Variants in ST8SIA1 observed in about 807,000 individuals in gnomAD.
The protein encoded by ST8SIA1 is ST8 alpha-N-acetyl-neuraminide alpha-2,8-sialyltransferase 1, also known as alpha-N-acetylneuraminide alpha-2,8-sialyltransferase.
In ST8SIA1, 16 loss-of-function variants were observed where a neutral mutation model predicts 35.9. That is an observed-to-expected ratio of 0.45 (90% confidence interval 0.30 to 0.68). The LOEUF (loss-of-function observed/expected upper bound fraction) is 0.68. Among genes scored for constraint, ST8SIA1 ranks in the 30% least tolerant of loss-of-function variants. The pLI, the probability that ST8SIA1 is intolerant of heterozygous loss-of-function variation, is 0.09. For synonymous variants in ST8SIA1, 170 were observed against 169.6 expected (o/e 1.00, Z -0.02); for missense variants, 383 against 453.6 (o/e 0.84, Z 1.41).
At position 22,301,383 on chromosome 12, in the gene ST8SIA1, T is replaced by A. The variant is rs149956248; in HGVS notation, c.237-14090A>T. ...TGGAGTAATATTTTTGACTTTTTGC[T>A]TAAAATGTTGCTGATCCTTTGTTTT... On this transcript the variant is annotated intron_variant, in intron 1 of 4. Transcript: ENST00000396037. Among the ~76,000 whole-genome samples the A allele has an allele frequency of 1.3e-4, 19 of 151,976 alleles. No homozygotes were observed. In the East Asian group the frequency reaches 3.3e-3, roughly 26 times the overall value.
chr12:22,258,528 A>G (rs1267039359), intron 2 of ST8SIA1, among the ~76,000 whole-genome samples: 1 of 152,162 alleles, frequency 6.6e-6, no homozygotes, highest in African/African-American at 2.4e-5. Flanking sequence ...ATCAAATGCT[A>G]TTGATAGATT....
chr12:22,239,139 T>C (rs74068766), intron 4 of ST8SIA1, among the ~76,000 whole-genome samples: 1 of 152,220 alleles, frequency 6.6e-6, no homozygotes, highest in Non-Finnish European at 1.5e-5. Flanking sequence ...TCTGCTTTTA[T>C]AAGCTTCTTA....
intron 1 of ST8SIA1, among the ~76,000 whole-genome samples, chr12:22,288,569 G>A (rs1254990065): frequency 6.6e-6 from 1 of 152,196 alleles, no homozygotes; most frequent in African/African-American, 2.4e-5. Flanking sequence ...TCCTCAGCCT[G>A]CGGGGGAGGT....
At chr12:22,285,612 C>T (rs1340147757) in intron 2 of ST8SIA1, among the ~76,000 whole-genome samples, 2 of 152,126 alleles carry the variant, frequency 1.3e-5, no homozygotes, top group East Asian at 3.9e-4. Flanking sequence ...TGGCTCACGC[C>T]TGTAATCCCA....
In ST8SIA1 at chr12:22,198,582, A is replaced by C. The variant is rs1865016255; in HGVS notation, c.*2970T>G. The C allele has an allele frequency of 6.7e-6, 1 of 148,584 alleles. No individual in the cohort carries two copies. Among genetic ancestry groups the C allele is most frequent in the East Asian group, 2.0e-4 (1 of 5,076 alleles). 9.2% of individuals were successfully genotyped at this position (148,584 alleles called of 1,614,324 possible). On this transcript the variant is annotated 3_prime_UTR_variant, in exon 5 of 5. Transcript: ENST00000396037. ...ACACACACACACTCCTATCTAACCA[A>C]TTATGTCCAAAAGGCATATGTATGG...
At chr12:22,220,940 C>G (rs1260803584) in intron 4 of ST8SIA1, among the ~76,000 whole-genome samples, 6 of 152,196 alleles carry the variant, frequency 3.9e-5, no homozygotes, top group Non-Finnish European at 8.8e-5. Context: ...TGCCTTCAGC[C>G]CTTTTTGCTC....
At chr12:22,270,933 G>T (rs557426779) in intron 2 of ST8SIA1, among the ~76,000 whole-genome samples, 3 of 152,268 alleles carry the variant, frequency 2.0e-5, no homozygotes, top group Admixed American at 2.0e-4. Context: ...ATTAGTAAAT[G>T]GAAATACACT....
At chr12:22,293,846 G>A (rs948096029) in intron 1 of ST8SIA1, among the ~76,000 whole-genome samples, 7 of 152,114 alleles carry the variant, frequency 4.6e-5, no homozygotes, top group African/African-American at 7.2e-5. Flanking sequence ...AAGCTGAAAA[G>A]TTAAGCATCT....
At chr12:22,303,652 T>G (rs1355896471) in intron 1 of ST8SIA1, among the ~76,000 whole-genome samples, 1 of 152,220 alleles carries the variant, frequency 6.6e-6, no homozygotes, top group African/African-American at 2.4e-5. Context: ...AACTGTTTTT[T>G]GTTTGTTTTG....
intron 2 of ST8SIA1, among the ~76,000 whole-genome samples, chr12:22,270,982 A>G (rs187803504): frequency 6.6e-6 from 1 of 152,330 alleles, no homozygotes; most frequent in East Asian, 1.9e-4. Context: ...GTATTTGGCC[A>G]TACTTGCACC....
intron 2 of ST8SIA1, among the ~76,000 whole-genome samples, chr12:22,282,317 C>T (rs1180388354): frequency 6.6e-6 from 1 of 152,160 alleles, no homozygotes; most frequent in Non-Finnish European, 1.5e-5. Flanking sequence ...AACAGCCACA[C>T]AGAGTCGCTG....
chr12:22,231,731 G>A (rs12827371), intron 4 of ST8SIA1, among the ~76,000 whole-genome samples: 23,378 of 151,598 alleles, frequency 0.15, 1,968 homozygotes, highest in Middle Eastern at 0.29. Flanking sequence ...CCACCACCAC[G>A]CCCGGCTAAT....
chr12:22,298,119 CA>C (rs1367430228), intron 1 of ST8SIA1, among the ~76,000 whole-genome samples: 3 of 152,164 alleles, frequency 2.0e-5, no homozygotes, highest in African/African-American at 7.2e-5. Context: ...CTCATGAGGG[CA>C]TGGAAATTCT....
intron 4 of ST8SIA1, among the ~76,000 whole-genome samples, chr12:22,222,850 C>T (rs1865315142): frequency 6.6e-6 from 1 of 151,964 alleles, no homozygotes; most frequent in African/African-American, 2.4e-5. Flanking sequence ...CACATAAATA[C>T]ACAAATACCC....
intron 4 of ST8SIA1, among the ~76,000 whole-genome samples, chr12:22,220,457 C>T (rs1254213962): frequency 1.3e-5 from 2 of 152,092 alleles, no homozygotes; most frequent in African/African-American, 2.4e-5. Context: ...CAGAGTTGAC[C>T]TCAATTAACA....
At position 22,201,881 on chromosome 12, in the gene ST8SIA1, C is replaced by A; in HGVS notation, c.742G>T (p.Val248Leu). 2 of 1,614,144 alleles carry A rather than the reference C, an allele frequency of 1.2e-6. No individual in the cohort carries two copies. Among genetic ancestry groups the A allele is most frequent in the Non-Finnish European group, 1.7e-6 (2 of 1,180,000 alleles). The stretch of plus-strand genomic sequence containing the variant: ...AGAAAGTTGGGGTTGGCAAACAGCA[C>A]TGTTTGATTGGCACCAACATCTGAC... The part of the protein sequence containing the change: ...TLSDVGANQT[V>L]LFANPNFLRS... Residue 248 changes from valine to leucine, a missense_variant, in exon 5 of 5, where the codon GTG becomes TTG. Transcript: ENST00000396037.
intron 4 of ST8SIA1, among the ~76,000 whole-genome samples, chr12:22,228,385 T>C (rs2120682703): frequency 6.6e-6 from 1 of 152,324 alleles, no homozygotes; most frequent in Middle Eastern, 3.4e-3. Context: ...TTCTAGCATT[T>C]TATTTTTCTC....
At chr12:22,322,848 A>AT (rs1719248209) in intron 1 of ST8SIA1, among the ~76,000 whole-genome samples, 2 of 152,224 alleles carry the variant, frequency 1.3e-5, no homozygotes, top group African/African-American at 4.8e-5. Context: ...AAGACGTTTA[A>AT]TTTTAGTAAA....
intron 1 of ST8SIA1, among the ~76,000 whole-genome samples, chr12:22,294,703 G>T (rs1431060333): frequency 6.6e-6 from 1 of 152,144 alleles, no homozygotes; most frequent in African/African-American, 2.4e-5. Flanking sequence ...TCTAGTAAGG[G>T]CAGAGAAAAT....
Sources: allele counts gnomAD v4.1 joint callset (sites outside exome capture counted in the v4.1 genomes callset), GRCh38; gene constraint gnomAD v4.1.1; transcripts MANE v1.5; gene names NCBI Gene and HGNC (gene_info 2026-07-23, HGNC 2026-07-21).